The following DTHD1 variants were observed in gnomAD, a reference collection of about 807,000 sequenced individuals.
DTHD1 encodes death domain containing 1, also known as death domain-containing protein 1.
Under a neutral mutation model 74.8 loss-of-function variants are expected in DTHD1, and 59 were observed. That is an observed-to-expected ratio of 0.79 (90% CI 0.64 to 0.98). The LOEUF (loss-of-function observed/expected upper bound fraction) is 0.98, where lower values mean the gene tolerates loss of function less well. Ranked by LOEUF, DTHD1 falls within the 50% of genes least tolerant of loss-of-function variation. DTHD1 has a pLI of 0.00. For synonymous variants in DTHD1, 365 were observed against 371.1 expected (o/e 0.98, Z 0.19); for missense variants, 1,051 against 1,065.4 (o/e 0.99, Z 0.19).
chr4:36,293,484 A>G, intron 3 of DTHD1, 42 bp from the exon 4 acceptor site: 8 of 1,391,144 alleles, frequency 5.8e-6, no homozygotes, highest in Non-Finnish European at 5.7e-6. Context: ...TATTTTTCAA[A>G]TCAGTGCTAT....
intron 8 of DTHD1, among the ~76,000 whole-genome samples, chr4:36,322,515 T>C (rs773986527): frequency 6.6e-6 from 1 of 152,070 alleles, no homozygotes; most frequent in Non-Finnish European, 1.5e-5. Flanking sequence ...CCTTCCTGTA[T>C]GGCCAGGAGA....
At chr4:36,293,495 A>G in intron 3 of DTHD1, 31 bp from the exon 4 acceptor site, 1 of 1,463,708 alleles carries the variant, frequency 6.8e-7, no homozygotes. Flanking sequence ...TCAGTGCTAT[A>G]GCTTATTTTA....
At position 36,284,435 on chromosome 4, in the gene DTHD1, A is replaced by C; in HGVS notation, c.731A>C (p.Gln244Pro). The C allele has an allele frequency of 6.5e-7, 1 of 1,537,176 alleles. No individual in the cohort carries two copies. Among genetic ancestry groups the C allele is most frequent in the African/African-American group, 1.4e-5 (1 of 73,172 alleles). Reference sequence around the variant, plus strand: ...AGGGAAGAGACTCATGGCATAATTCAGACAACAGAGACAGAAATTCAAGAG... The same window carrying C: ...AGGGAAGAGACTCATGGCATAATTCCGACAACAGAGACAGAAATTCAAGAG... ...GNREETHGII[Q>P]TTETEIQETS... Residue 244 changes from glutamine to proline, a missense_variant, in exon 2 of 10, where the codon CAG becomes CCG. By Grantham distance (76) the Gln-to-Pro change is moderately conservative. Transcript: ENST00000639862.
intron 2 of DTHD1, among the ~76,000 whole-genome samples, chr4:36,285,827 G>A (rs558331079): frequency 1.3e-5 from 2 of 152,112 alleles, no homozygotes; most frequent in East Asian, 1.9e-4. Flanking sequence ...TCACTTAAAC[G>A]ACCTAACACC....
intron 5 of DTHD1, among the ~76,000 whole-genome samples, chr4:36,302,911 A>G (rs1048924385): frequency 2.6e-5 from 4 of 152,236 alleles, no homozygotes; most frequent in Admixed American, 2.6e-4. Flanking sequence ...TCTACGCATC[A>G]TGAATATCAC....
intron 8 of DTHD1, among the ~76,000 whole-genome samples, chr4:36,332,526 T>C (rs911596950): frequency 1.3e-5 from 2 of 152,178 alleles, no homozygotes; most frequent in Admixed American, 6.5e-5. Context: ...ACAATGGCAA[T>C]TGTCTTTCCG....
At chr4:36,307,046 C>T (rs1015622754) in intron 6 of DTHD1, among the ~76,000 whole-genome samples, 3 of 152,186 alleles carry the variant, frequency 2.0e-5, no homozygotes, top group Non-Finnish European at 4.4e-5. Context: ...AGTGCGAGTA[C>T]CAAGGCGGCT....
At chr4:36,312,011 T>C (rs908329730) in intron 7 of DTHD1, among the ~76,000 whole-genome samples, 1 of 152,178 alleles carries the variant, frequency 6.6e-6, no homozygotes, top group African/African-American at 2.4e-5. Flanking sequence ...TTTCTATCTC[T>C]AATAGGAAGG....
intron 8 of DTHD1, among the ~76,000 whole-genome samples, chr4:36,338,440 G>A (rs1759131028): frequency 6.6e-6 from 1 of 151,978 alleles, no homozygotes; most frequent in African/African-American, 2.4e-5. Flanking sequence ...GCTTTGTGAT[G>A]TAGGCATCCA....
rs1759468842 is a variant in DTHD1, at chr4:36,344,005, G to T, written c.*181G>T. On this transcript the variant is annotated 3_prime_UTR_variant, in exon 10 of 10. Coordinates refer to ENST00000639862, the MANE Select transcript of DTHD1 (RefSeq NM_001170700.3). ...ATCAGATAATAGAAAGCATTCCTGG[G>T]TGTGAGCGCTCCTCTCTGGTTGAGT... 1 of 635,346 alleles carries T rather than the reference G, an allele frequency of 1.6e-6. No homozygotes were observed. The highest frequency in any genetic ancestry group is 2.6e-6 in the Non-Finnish European group (1 of 378,790). 39.4% of individuals were successfully genotyped at this position (635,346 alleles called of 1,614,324 possible).
chr4:36,290,344 G>GA lies in DTHD1; in HGVS notation c.888-24dup, dbSNP rs1417428239. 10 of 1,520,362 alleles carry GA rather than the reference G, an allele frequency of 6.6e-6. No individual in the cohort carries two copies. The East Asian group carries it at 2.5e-4, about 37-fold the overall frequency. The allele number at this position is 1,520,362 out of a possible 1,614,324, so 94.2% of individuals were successfully genotyped here. On this transcript the variant is annotated intron_variant, in intron 2 of 9. Coordinates refer to ENST00000639862, the MANE Select transcript of DTHD1 (RefSeq NM_001170700.3). ...GTAAAGTACATAAATCAAATAATTG[G>GA]AAAAATGACATTCTTTTTCCCCCTC...
Position 36,290,534 on chromosome 4 carries a change from A to C in DTHD1, c.1049A>C (p.Glu350Ala), listed in dbSNP as rs1191668665. Residue 350 changes from glutamate to alanine, a missense_variant, in exon 3 of 10, where the codon GAA becomes GCA. Physicochemically the swap from Glu to Ala is moderately radical, Grantham distance 107. Transcript: ENST00000639862. The stretch of plus-strand genomic sequence containing the variant: ...TTAGTTAGCAACGTCATAACTATTG[A>C]ATGCTCAGATAAGGAAAAGAGAGTT... ...EELVSNVITI[E>A]CSDKEKRVPF... The C allele has an allele frequency of 2.1e-5, 33 of 1,551,556 alleles. No homozygotes were observed. Among genetic ancestry groups the C allele is most frequent in the Non-Finnish European group, 2.4e-5 (28 of 1,146,984 alleles).
chr4:36,299,683 T>C (rs1756646060), intron 5 of DTHD1, among the ~76,000 whole-genome samples: 1 of 152,204 alleles, frequency 6.6e-6, no homozygotes, highest in South Asian at 2.1e-4. Flanking sequence ...TTAAATTCCG[T>C]ATTGTTTACT....
chr4:36,296,173 ATG>A (rs1756385839), intron 5 of DTHD1, among the ~76,000 whole-genome samples: 1 of 152,148 alleles, frequency 6.6e-6, no homozygotes, highest in African/African-American at 2.4e-5. Context: ...GGAAATAGAA[ATG>A]GACCAAAATC....
chr4:36,284,711 T>G (rs1207716824), intron 2 of DTHD1, 120 bp downstream of exon 2: 20 of 805,002 alleles, frequency 2.5e-5, no homozygotes, highest in Non-Finnish European at 3.5e-5. Flanking sequence ...GTGAGTAGCT[T>G]TTAAACAACA....
In DTHD1 at chr4:36,293,640, G is replaced by A. The variant is rs1437773676; in HGVS notation, c.1333G>A (p.Asp445Asn). ...KKGLALKSSM[D>N]SRISLNYPPG... Reference sequence around the variant, plus strand: ...AGGCCTCGCTCTTAAGTCAAGCATGGATTCCCGAATATCCTTAAATTACCC... The same window carrying A: ...AGGCCTCGCTCTTAAGTCAAGCATGAATTCCCGAATATCCTTAAATTACCC... Residue 445 changes from aspartate to asparagine, a missense_variant, in exon 4 of 10, where the codon GAT becomes AAT. Transcript: ENST00000639862. The A allele has an allele frequency of 1.3e-6, 2 of 1,548,842 alleles. No individual in the cohort carries two copies. Among genetic ancestry groups the A allele is most frequent in the Admixed American group, 3.9e-5 (2 of 50,934 alleles).
At chr4:36,340,707 G>C (rs1759267478) in intron 9 of DTHD1, among the ~76,000 whole-genome samples, 1 of 152,166 alleles carries the variant, frequency 6.6e-6, no homozygotes, top group African/African-American at 2.4e-5. Context: ...GCTACACCAG[G>C]ATTTAGGAAA....
intron 7 of DTHD1, among the ~76,000 whole-genome samples, chr4:36,314,415 G>A (rs569746083): frequency 3.8e-4 from 57 of 150,810 alleles, no homozygotes; most frequent in Non-Finnish European, 7.4e-4. Flanking sequence ...GCTCATGCCT[G>A]TAATCCCAGC....
Position 36,339,165 on chromosome 4 carries a change from T to G in DTHD1, c.2394T>G (p.Pro798=). 1 of 1,545,400 alleles carries G rather than the reference T, an allele frequency of 6.5e-7. No homozygotes were observed. The highest frequency in any genetic ancestry group is 8.8e-7 in the Non-Finnish European group (1 of 1,142,024). ...GTACCAAAAGAGTTTCTAAGGATCC[T>G]GTAGGTGAGGAATATTTGCTTTGTC... ...PQSTKRVSKD[P]VEALWDNLLH... Residue 798 remains proline (P), a synonymous_variant, in exon 9 of 10, where the codon CCT becomes CCG. Transcript: ENST00000639862.
Sources: gnomAD v4.1 joint callset for allele counts (sites outside exome capture counted in the v4.1 genomes callset) on GRCh38, gnomAD v4.1.1 for gene constraint, MANE v1.5 for transcripts, NCBI Gene and HGNC (gene_info 2026-07-23, HGNC 2026-07-21) for gene names.